COBL: variants seen among roughly 807,000 people sequenced by gnomAD.
COBL encodes cordon-bleu WH2 repeat protein.
COBL carries 51 observed loss-of-function variants against 98.8 expected under a neutral mutation model. That is an observed-to-expected ratio of 0.52 (90% CI 0.41 to 0.65). The LOEUF (loss-of-function observed/expected upper bound fraction) is 0.65, where lower values mean the gene tolerates loss of function less well. COBL is among the 30% of genes least tolerant of loss of function. The probability of loss-of-function intolerance (pLI) is 0.00; values close to 1 mark genes in which losing one functional copy is unlikely to be tolerated. For synonymous variants in COBL, 634 were observed against 651.7 expected (o/e 0.97, Z 0.41); for missense variants, 1,617 against 1,617.5 (o/e 1.00, Z 0.01).
intron 7 of COBL, among the ~76,000 whole-genome samples, chr7:51,055,934 G>A (rs1033190092): frequency 2.0e-5 from 3 of 152,188 alleles, no homozygotes; most frequent in Non-Finnish European, 4.4e-5. Flanking sequence ...CTCTCAAAAG[G>A]CAGGAGTATT....
intron 6 of COBL, among the ~76,000 whole-genome samples, chr7:51,111,091 T>C (rs1796780693): frequency 6.6e-6 from 1 of 152,230 alleles, no homozygotes; most frequent in Non-Finnish European, 1.5e-5. Context: ...GTTCTACTTT[T>C]AGTTCTTTAA....
At chr7:51,073,186 C>A (rs1792731761) in intron 7 of COBL, 1 of 411,090 alleles carries the variant, frequency 2.4e-6, no homozygotes, top group Non-Finnish European at 4.3e-6. Context: ...AAACAAATCT[C>A]TGTTATTAAT....
chr7:51,149,544 C>T (rs890352737), intron 5 of COBL, among the ~76,000 whole-genome samples: 1 of 152,202 alleles, frequency 6.6e-6, no homozygotes, highest in Admixed American at 6.5e-5. Context: ...TGAACTTACT[C>T]TTACATGGAT....
At chr7:51,259,558 A>C in intron 1 of COBL, 1 of 720,026 alleles carries the variant, frequency 1.4e-6, no homozygotes. Flanking sequence ...GGGCGCAAAA[A>C]CCATGAGATC....
intron 4 of COBL, among the ~76,000 whole-genome samples, chr7:51,187,412 C>T (rs1387623110): frequency 2.0e-5 from 3 of 151,634 alleles, no homozygotes; most frequent in African/African-American, 7.3e-5. Flanking sequence ...ATAGAAATAT[C>T]TCTATGAAAC....
intron 4 of COBL, chr7:51,187,897 C>A (rs917485006): frequency 2.4e-6 from 3 of 1,232,168 alleles, no homozygotes; most frequent in South Asian, 8.2e-5. Flanking sequence ...GAGCGGGAAG[C>A]CCCAGGTTCA....
chr7:51,148,436 C>T (rs1336896957), intron 5 of COBL, among the ~76,000 whole-genome samples: 2 of 152,184 alleles, frequency 1.3e-5, no homozygotes, highest in Admixed American at 6.5e-5. Context: ...CCCCAAGTTG[C>T]AGGTACCCCT....
rs573230189 is a variant in COBL at position 51,220,847 on chromosome 7, T to G, written c.42-903A>C. 1.1e-4 allele frequency among the ~76,000 whole-genome samples: 16 copies of G among 152,302 alleles called. No individual in the cohort carries two copies. In the South Asian group the frequency reaches 3.1e-3, roughly 30 times the overall value. Reference sequence around the variant, plus strand: ...ATGAACATTTTTAGAAATTCTTGTTTCCGCCAGATTAGCCAGGGAAAGCAA... The same window carrying G: ...ATGAACATTTTTAGAAATTCTTGTTGCCGCCAGATTAGCCAGGGAAAGCAA... On this transcript the variant is annotated intron_variant, in intron 1 of 12. Coordinates refer to ENST00000265136, the MANE Select transcript of COBL (RefSeq NM_015198.5).
chr7:51,154,954 T>C (rs1490148735), intron 5 of COBL, among the ~76,000 whole-genome samples: 2 of 152,218 alleles, frequency 1.3e-5, no homozygotes, highest in Admixed American at 1.3e-4. Flanking sequence ...ATGCGTTCAA[T>C]GAACACATCT....
intron 1 of COBL, among the ~76,000 whole-genome samples, chr7:51,282,787 C>T (rs890749041): frequency 1.3e-5 from 2 of 151,876 alleles, no homozygotes; most frequent in Non-Finnish European, 2.9e-5. Flanking sequence ...GATAGACAAT[C>T]TCCTGGGACA....
intron 1 of COBL, among the ~76,000 whole-genome samples, chr7:51,314,052 G>T (rs565376420): frequency 6.6e-6 from 1 of 152,178 alleles, no homozygotes; most frequent in Non-Finnish European, 1.5e-5. Context: ...AAGTAAAAAC[G>T]TATATTTGTG....
Position 51,107,084 on chromosome 7 carries a change from G to GTTTTTTTTTTTT in COBL, c.958-21781_958-21780insAAAAAAAAAAAA, listed in dbSNP as rs202161212. Among the ~76,000 whole-genome samples the GTTTTTTTTTTTT allele has an allele frequency of 1.8e-5, 2 of 109,312 alleles. 1 individual carries two copies. Among genetic ancestry groups the GTTTTTTTTTTTT allele is most frequent in the African/African-American group, 6.8e-5 (2 of 29,314 alleles). The allele number at this position is 109,312 out of a possible 152,430, so 71.7% of individuals were successfully genotyped here. ...ACTTAACACTTTTTTTGTGATCCTA[G>GTTTTTTTTTTTT]TTTGTTTGTTTTTTTTTTTTTTTTT... is the stretch of plus-strand genomic sequence containing the variant. On this transcript the variant is annotated intron_variant, in intron 6 of 12. Transcript: ENST00000265136.
intron 12 of COBL, among the ~76,000 whole-genome samples, chr7:51,024,489 T>C (rs1356035765): frequency 1.3e-5 from 2 of 152,138 alleles, no homozygotes; most frequent in African/African-American, 4.8e-5. Flanking sequence ...CAAGCAGCCC[T>C]TTAATCTAGG....
chr7:51,054,710 TTC>T (rs942168322), intron 7 of COBL, among the ~76,000 whole-genome samples: 1 of 152,156 alleles, frequency 6.6e-6, no homozygotes, highest in Non-Finnish European at 1.5e-5. Flanking sequence ...TCCCTCACGC[TTC>T]TGTTTTATGA....
intron 5 of COBL, among the ~76,000 whole-genome samples, chr7:51,156,886 T>C (rs948293549): frequency 6.6e-6 from 1 of 152,174 alleles, no homozygotes; most frequent in African/African-American, 2.4e-5. Context: ...CTAAGCTGGA[T>C]TCCCCTCTCA....
intron 5 of COBL, among the ~76,000 whole-genome samples, chr7:51,178,589 C>T (rs545063624): frequency 6.6e-6 from 1 of 152,224 alleles, no homozygotes; most frequent in South Asian, 2.1e-4. Context: ...AAGACACACT[C>T]ACCGTGTCTT....
chr7:51,309,261 C>T (rs561840860), intron 1 of COBL, among the ~76,000 whole-genome samples: 13 of 152,214 alleles, frequency 8.5e-5, no homozygotes, highest in East Asian at 7.7e-4. Context: ...CACGAAAGGA[C>T]GGGGTGCATC....
At chr7:51,039,457 C>A (rs910617277) in intron 8 of COBL, among the ~76,000 whole-genome samples, 2 of 152,244 alleles carry the variant, frequency 1.3e-5, no homozygotes, top group African/African-American at 4.8e-5. Flanking sequence ...GCTGCCTGGG[C>A]AGCTCCCTGC....
Position 51,184,213 on chromosome 7 carries a change from G to A in COBL, c.686-14C>T, listed in dbSNP as rs761423801. 40 of 1,400,152 alleles carry A rather than the reference G, an allele frequency of 2.9e-5. No homozygotes were observed. The South Asian group carries it at 5.2e-4, about 18-fold the overall frequency. 86.7% of individuals were successfully genotyped at this position (1,400,152 alleles called of 1,614,324 possible). A position where few individuals can be genotyped will look rare whatever the true frequency, so the allele number is the denominator to read the frequency against. ...TCCTAAAGGTTTCTGGAAAAAAAAA[G>A]CACTAAGTTATTTTTCAGCATCTGA... On this transcript the variant is annotated splice_polypyrimidine_tract_variant and intron_variant, in intron 4 of 12. Coordinates refer to ENST00000265136, the MANE Select transcript of COBL (RefSeq NM_015198.5).
Sources: gnomAD v4.1 joint callset for allele counts (sites outside exome capture counted in the v4.1 genomes callset) on GRCh38, gnomAD v4.1.1 for gene constraint, MANE v1.5 for transcripts, NCBI Gene and HGNC (gene_info 2026-07-23, HGNC 2026-07-21) for gene names.